AKAP9: variants seen among roughly 807,000 people sequenced by gnomAD.
AKAP9 encodes the protein A-kinase anchoring protein 9, also known as A-kinase anchor protein 9.
In AKAP9, 311 loss-of-function variants were observed where a neutral mutation model predicts 488.5. That is an observed-to-expected ratio of 0.64 (90% CI 0.58 to 0.70). AKAP9 has a LOEUF of 0.70. Among genes scored for constraint, AKAP9 ranks in the 30% least tolerant of loss-of-function variants. The pLI is 0.00. For synonymous variants in AKAP9, 1,462 were observed against 1,483.5 expected (o/e 0.99, Z 0.33); for missense variants, 4,215 against 4,374.5 (o/e 0.96, Z 1.03).
At chr7:92,077,350 C>T (rs768571271) in intron 29 of AKAP9, among the ~76,000 whole-genome samples, 3 of 152,064 alleles carry the variant, frequency 2.0e-5, no homozygotes, top group Non-Finnish European at 2.9e-5. Context: ...CTTGGCCTCC[C>T]AAAGTGCTGG....
chr7:91,948,338 T>A (rs1791730193), intron 1 of AKAP9, among the ~76,000 whole-genome samples: 1 of 152,178 alleles, frequency 6.6e-6, no homozygotes, highest in Non-Finnish European at 1.5e-5. Context: ...ATTTCAACTT[T>A]TTGAGGAACT....
intron 5 of AKAP9, among the ~76,000 whole-genome samples, chr7:91,994,325 C>G (rs1798130636): frequency 6.6e-6 from 1 of 152,092 alleles, no homozygotes; most frequent in Non-Finnish European, 1.5e-5. Context: ...TTAAACATGT[C>G]TAGGGTGGTG....
intron 1 of AKAP9, among the ~76,000 whole-genome samples, chr7:91,947,681 G>T (rs1004672660): frequency 3.3e-5 from 5 of 152,134 alleles, no homozygotes; most frequent in Non-Finnish European, 7.3e-5. Flanking sequence ...GTGCCTTATT[G>T]TCTGTTGGAA....
intron 16 of AKAP9, among the ~76,000 whole-genome samples, chr7:92,036,368 G>A (rs1805203615): frequency 6.6e-6 from 1 of 151,650 alleles, no homozygotes; most frequent in Non-Finnish European, 1.5e-5. Flanking sequence ...GCAGTGGTGT[G>A]ATCATAGCTC....
chr7:92,109,208 GATT>G (rs1818991854), intron 49 of AKAP9: 1 of 198,126 alleles, frequency 5.0e-6, no homozygotes, highest in Admixed American at 5.9e-5. Flanking sequence ...ACTTTGTAAG[GATT>G]ATTTTTTCTT....
chr7:92,063,469 A>G, intron 24 of AKAP9: 2 of 978,266 alleles, frequency 2.0e-6, no homozygotes, highest in Non-Finnish European at 2.4e-6. Flanking sequence ...TAGGACTAGT[A>G]GATGCTGCAG....
chr7:91,942,045 A>G (rs762031654), intron 1 of AKAP9, among the ~76,000 whole-genome samples: 4 of 152,182 alleles, frequency 2.6e-5, no homozygotes, highest in Admixed American at 1.3e-4. Context: ...TAAAAATTAC[A>G]TATTTGAGCA....
At chr7:92,077,900 G>A (rs1367661584) in intron 30 of AKAP9, 25 bp downstream of exon 30, 2 of 1,571,532 alleles carry the variant, frequency 1.3e-6, no homozygotes, top group Non-Finnish European at 8.7e-7. Context: ...AATTGATTAT[G>A]AAATTAATAT....
chr7:92,010,767 T>C (rs138538222), intron 8 of AKAP9, among the ~76,000 whole-genome samples: 3 of 152,232 alleles, frequency 2.0e-5, no homozygotes, highest in Admixed American at 2.0e-4. Context: ...AATCTCCTCA[T>C]CTCAGCCTCC....
chr7:91,970,202 CCTCTATA>C (rs1794885445), intron 1 of AKAP9, among the ~76,000 whole-genome samples: 1 of 151,896 alleles, frequency 6.6e-6, no homozygotes, highest in Non-Finnish European at 1.5e-5. Context: ...AAAAAAAAAC[CCTCTATA>C]CTCTAACTCC....
rs1475022702 is a variant in AKAP9 at position 91,973,925 on chromosome 7, A to G, written c.263A>G (p.His88Arg). The G allele has an allele frequency of 1.2e-6, 2 of 1,613,978 alleles. No homozygotes were observed. The highest frequency in any genetic ancestry group is 1.7e-6 in the Non-Finnish European group (2 of 1,179,996). The part of the protein sequence containing the change: ...IPESTIMRTL[H>R]SGEITSHEQG... ...GAATCTACAATAATGAGAACTCTACATAGTGGAGAAATAACCAGTCATGAG... is the reference window on the plus strand; with the variant it reads ...GAATCTACAATAATGAGAACTCTACGTAGTGGAGAAATAACCAGTCATGAG... Residue 88 changes from histidine to arginine, a missense_variant, in exon 2 of 50, where the codon CAT becomes CGT. Physicochemically the swap from His to Arg is conservative, Grantham distance 29. Around this residue, in one of 5 missense-constraint regions of AKAP9, gnomAD observed 2,361 missense variants for 2,430.0 expected, o/e 0.97. Coordinates refer to ENST00000356239, the MANE Select transcript of AKAP9 (RefSeq NM_005751.5).
rs1816332141 is a variant in AKAP9, at chr7:92,095,079, G to C, written c.9635G>C (p.Ser3212Thr). The change falls in exon 40 of 50, where the codon AGT (serine) becomes ACT (threonine). Residue 3212 changes from serine (S) to threonine (T), a missense_variant. Ser to Thr is a moderately conservative substitution (Grantham distance 58, BLOSUM62 1). Coordinates refer to ENST00000356239, the MANE Select transcript of AKAP9 (RefSeq NM_005751.5). ...CATTTGCTTAATGACACATTAGCAA[G>C]TGAACAGAAAAAATCAAGAGAGCTC... ...EVHLLNDTLA[S>T]EQKKSRELQW... 1.2e-6 allele frequency: 2 copies of C among 1,613,872 alleles called. No individual in the cohort carries two copies. Among genetic ancestry groups the C allele is most frequent in the Non-Finnish European group, 1.7e-6 (2 of 1,179,850 alleles).
chr7:91,949,274 A>T (rs112706376), intron 1 of AKAP9, among the ~76,000 whole-genome samples: 9 of 152,244 alleles, frequency 5.9e-5, no homozygotes, highest in South Asian at 4.2e-4. Context: ...ATATATATAT[A>T]TTTTTAGGCT....
rs1813199181 is a variant in AKAP9 at position 92,079,694 on chromosome 7, CAAAT to C, written c.7565_7568del (p.Ile2522LysfsTer19). 2 of 1,613,986 alleles carry C rather than the reference CAAAT, an allele frequency of 1.2e-6. No homozygotes were observed. The highest frequency in any genetic ancestry group is 1.7e-6 in the Non-Finnish European group (2 of 1,179,974). On this transcript the variant is annotated frameshift_variant, in exon 31 of 50. Transcript: ENST00000356239. LOFTEE classifies it high-confidence loss of function. ...CTTAGAACTTACCCAGTGTTATAAA[CAAAT>C]AAAAGACATGCAAGAACAAGGCCAG... is the stretch of plus-strand genomic sequence containing the variant.
At chr7:92,026,427 C>T (rs1196388551) in intron 14 of AKAP9, among the ~76,000 whole-genome samples, 2 of 152,090 alleles carry the variant, frequency 1.3e-5, no homozygotes, top group Non-Finnish European at 2.9e-5. Context: ...CTCCCTGCCT[C>T]GGGCTCCCGT....
chr7:91,973,776 AAAG>A lies in AKAP9; in HGVS notation c.116_118del (p.Lys39del). ...AGAGTCCTTCCAAGAAGCAGAAAAAAAAGAGAAAAACGTCAAGCAGTAAACATG... is the reference window on the plus strand; with the variant it reads ...AGAGTCCTTCCAAGAAGCAGAAAAAAAGAAAAACGTCAAGCAGTAAACATG... On this transcript the variant is annotated inframe_deletion, in exon 2 of 50. Transcript: ENST00000356239. The A allele has an allele frequency of 6.2e-7, 1 of 1,614,120 alleles. No individual in the cohort carries two copies. Among genetic ancestry groups the A allele is most frequent in the Non-Finnish European group, 8.5e-7 (1 of 1,180,016 alleles).
chr7:91,971,959 A>ATG, intron 1 of AKAP9, among the ~76,000 whole-genome samples: 1 of 119,154 alleles, frequency 8.4e-6, no homozygotes, highest in Non-Finnish European at 1.8e-5. Context: ...GTTTGCTCAT[A>ATG]GAGTCTTTTA....
At chr7:91,997,484 T>A (rs1798535494) in intron 7 of AKAP9, among the ~76,000 whole-genome samples, 1 of 152,190 alleles carries the variant, frequency 6.6e-6, no homozygotes, top group Admixed American at 6.5e-5. Flanking sequence ...TACTCAATAC[T>A]CACTTTGTAA....
In AKAP9 at chr7:92,003,248, C is replaced by A. The variant is rs73403768; in HGVS notation, c.3318+13C>A. 8,183 of 1,541,740 alleles carry A rather than the reference C, an allele frequency of 5.3e-3. 369 individuals are homozygous for A. In the African/African-American group the frequency reaches 0.1, roughly 19 times the overall value. On this transcript the variant is annotated intron_variant, in intron 8 of 49. Coordinates refer to ENST00000356239, the MANE Select transcript of AKAP9 (RefSeq NM_005751.5). ...TAAATCAGAACAGGTATGTTTACTT[C>A]TTCATATATGGTAAAGCACAATGAA...
Sources: allele counts gnomAD v4.1 joint callset (sites outside exome capture counted in the v4.1 genomes callset), GRCh38; gene constraint gnomAD v4.1.1; regional missense constraint gnomAD v4.1.1; transcripts MANE v1.5; gene names NCBI Gene and HGNC (gene_info 2026-07-23, HGNC 2026-07-21).